The following FADS2 variants were observed in gnomAD, a reference collection of about 807,000 sequenced individuals.
The protein encoded by FADS2 is fatty acid desaturase 2.
In FADS2, 18 loss-of-function variants were observed where a neutral mutation model predicts 61.2. The observed-to-expected ratio is 0.29, with a 90% confidence interval of 0.20 to 0.44. The LOEUF (loss-of-function observed/expected upper bound fraction) is 0.44, where lower values mean the gene tolerates loss of function less well. FADS2 is among the 20% of genes least tolerant of loss of function. The pLI is 1.00. For synonymous variants in FADS2, 203 were observed against 223.9 expected (o/e 0.91, Z 0.83); for missense variants, 322 against 572.7 (o/e 0.56, Z 4.47).
chr11:61,846,784 A>G (rs185712636), intron 4 of FADS2: 2 of 152,162 alleles, frequency 1.3e-5, no homozygotes, highest in African/African-American at 2.4e-5. Context: ...GTCTTGTCTC[A>G]TGGGATCCTA....
In FADS2 at chr11:61,863,357, C is replaced by T. The variant is rs1357949894; in HGVS notation, c.1056C>T (p.Tyr352=). The T allele has an allele frequency of 6.2e-7, 1 of 1,613,568 alleles. No individual in the cohort carries two copies. The highest frequency in any genetic ancestry group is 1.1e-5 in the South Asian group (1 of 91,076). ...HIVMEIDQEA[Y]RDWFSSQLTA... ...TCATGGAGATTGACCAGGAGGCCTA[C>T]CGTGACTGGTTCAGTAGCCAGGTAG... Residue 352 remains tyrosine, a synonymous_variant, in exon 9 of 12, where the codon TAC becomes TAT. Coordinates refer to ENST00000278840, the MANE Select transcript of FADS2 (RefSeq NM_004265.4).
In FADS2 at chr11:61,865,280, G is replaced by A. The variant is rs759302576; in HGVS notation, c.1283+3G>A. The stretch of plus-strand genomic sequence containing the variant: ...AGGGCCCTGCTGGACATCATCAGGT[G>A]AGGGGTGGAGGTCCACAGGCGCTGG... On this transcript the variant is annotated splice_donor_region_variant and intron_variant, in intron 11 of 11. Coordinates refer to ENST00000278840, the MANE Select transcript of FADS2 (RefSeq NM_004265.4). The surrounding 1 kb of genome is among the most constrained non-coding windows in gnomAD (Gnocchi z 4.1). 3.1e-6 allele frequency: 5 copies of A among 1,612,560 alleles called. No homozygotes were observed. The East Asian group carries it at 1.1e-4, about 36-fold the overall frequency.
At chr11:61,826,593 G>T (rs950253618), upstream of FADS2, 3 of 587,942 alleles carry the variant, frequency 5.1e-6, no homozygotes, top group Non-Finnish European at 9.1e-6. Flanking sequence ...CTCTCTGGAG[G>T]TCTTGCTTCA....
intron 4 of FADS2, among the ~76,000 whole-genome samples, chr11:61,843,808 G>A (rs376982699): frequency 2.0e-4 from 31 of 152,112 alleles, no homozygotes; most frequent in African/African-American, 5.5e-4. Flanking sequence ...ACAGGTGTGC[G>A]CCACTATGCC....
chr11:61,858,869 C>T lies in FADS2; in HGVS notation c.882+1339C>T, dbSNP rs957245818. Reference sequence around the variant, plus strand: ...AAGTGCTGGGATTACAGGCGTGAGCCACTGCACCCGGCAGATAAATTGTTT... The same window carrying T: ...AAGTGCTGGGATTACAGGCGTGAGCTACTGCACCCGGCAGATAAATTGTTT... On this transcript the variant is annotated intron_variant, in intron 7 of 11. Coordinates refer to ENST00000278840, the MANE Select transcript of FADS2 (RefSeq NM_004265.4). Among the ~76,000 whole-genome samples, 34 of 152,200 alleles carry T rather than the reference C, an allele frequency of 2.2e-4. 1 individual carries two copies. Among genetic ancestry groups the T allele is most frequent in the African/African-American group, 7.5e-4 (31 of 41,440 alleles).
At chr11:61,823,251 T>C (rs774002550) in intron 1 of FADS2, among the ~76,000 whole-genome samples, 2 of 152,096 alleles carry the variant, frequency 1.3e-5, no homozygotes, top group South Asian at 2.1e-4. Context: ...CAAGTTTCAG[T>C]AGAATGTACC....
intron 1 of FADS2, among the ~76,000 whole-genome samples, chr11:61,830,369 C>T (rs1246445803): frequency 6.6e-6 from 1 of 152,202 alleles, no homozygotes; most frequent in Non-Finnish European, 1.5e-5. Flanking sequence ...TTGCCTTGAC[C>T]TTTCTGGTTT....
intron 1 of FADS2, chr11:61,821,509 A>G (rs1022658339): frequency 2.9e-5 from 20 of 689,110 alleles, no homozygotes; most frequent in Middle Eastern, 4.7e-4. Context: ...AAGATCCTAA[A>G]CATAATAGTT....
intron 2 of FADS2, among the ~76,000 whole-genome samples, chr11:61,839,474 C>A (rs2135961056): frequency 6.6e-6 from 1 of 152,150 alleles, no homozygotes; most frequent in South Asian, 2.1e-4. Context: ...AGGTGCCCAT[C>A]ATCATGCCTG....
At position 61,863,116 on chromosome 11, in the gene FADS2, A is replaced by T. The variant is rs1259455021; in HGVS notation, c.980+47A>T. ...ATCCCTGGGCCCTCCACTGGCACTG[A>T]TGATGGCTTTGGCATGAGAAGAGGC... On this transcript the variant is annotated intron_variant, in intron 8 of 11. Transcript: ENST00000278840. The T allele has an allele frequency of 3.9e-6, 6 of 1,552,656 alleles. No homozygotes were observed. In the East Asian group the frequency reaches 1.3e-4, roughly 35 times the overall value.
intron 7 of FADS2, 63 bp from the exon 8 acceptor site, chr11:61,862,909 C>T: frequency 1.5e-6 from 2 of 1,313,318 alleles, no homozygotes; most frequent in Non-Finnish European, 2.2e-6. Context: ...ACATCTGGGG[C>T]ACGCACTTGG....
At chr11:61,826,456 C>G, upstream of FADS2, 1 of 611,736 alleles carries the variant, frequency 1.6e-6, no homozygotes, top group Non-Finnish European at 3.0e-6. Context: ...TCACTCCCTG[C>G]TCCGAGCTCC....
chr11:61,863,116 A>C, intron 8 of FADS2, 47 bp downstream of exon 8: 1 of 1,552,774 alleles, frequency 6.4e-7, no homozygotes, highest in Non-Finnish European at 8.9e-7. Flanking sequence ...ACTGGCACTG[A>C]TGATGGCTTT....
At chr11:61,853,929 C>T (rs1437900176) in intron 5 of FADS2, among the ~76,000 whole-genome samples, 2 of 152,180 alleles carry the variant, frequency 1.3e-5, no homozygotes, top group South Asian at 2.1e-4. Context: ...CCACATGGCC[C>T]GGCATCCCCC....
chr11:61,852,435 A>G (rs1426271002), intron 5 of FADS2, among the ~76,000 whole-genome samples: 1 of 151,800 alleles, frequency 6.6e-6, no homozygotes, highest in African/African-American at 2.4e-5. Context: ...TAATTCTTGT[A>G]TTTTTAGTAG....
upstream of FADS2, chr11:61,827,988 C>G (rs2135952786): frequency 9.5e-6 from 10 of 1,057,250 alleles, no homozygotes; most frequent in South Asian, 2.5e-4. The surrounding 1 kb of genome is among the most constrained non-coding windows in gnomAD (Gnocchi z 4.5). Context: ...AGGCGCTCTG[C>G]TGATCGCTGT....
chr11:61,824,433 AGGGAGGGAGGGAGGGAG>A (rs1565325173), upstream of FADS2, among the ~76,000 whole-genome samples: 2 of 6,228 alleles, frequency 3.2e-4, no homozygotes, highest in African/African-American at 1.0e-3. Flanking sequence ...AGAGAGAGAG[AGGGAGGGAGGGAGGGAG>A]GGAGGGAGGG....
At chr11:61,830,183 T>A (rs2135954520) in intron 1 of FADS2, among the ~76,000 whole-genome samples, 1 of 152,360 alleles carries the variant, frequency 6.6e-6, no homozygotes, top group South Asian at 2.1e-4. Flanking sequence ...TTCCACTATA[T>A]GTTGCTGGAC....
intron 2 of FADS2, among the ~76,000 whole-genome samples, chr11:61,839,633 T>A (rs935245203): frequency 6.6e-6 from 1 of 152,184 alleles, no homozygotes; most frequent in African/African-American, 2.4e-5. Context: ...GTCAACCATT[T>A]TGGTCATTTG....
Sources: gnomAD v4.1 joint callset for allele counts (sites outside exome capture counted in the v4.1 genomes callset) on GRCh38, gnomAD v4.1.1 for gene constraint, Gnocchi (gnomAD v3.1) non-coding constraint, MANE v1.5 for transcripts, NCBI Gene and HGNC (gene_info 2026-07-23, HGNC 2026-07-21) for gene names.